The following ARHGAP23 variants were observed in gnomAD, a reference collection of about 807,000 sequenced individuals.
ARHGAP23 encodes the protein rho GTPase-activating protein 23.
ARHGAP23 carries 34 observed loss-of-function variants against 136.3 expected under a neutral mutation model. That is an observed-to-expected ratio of 0.25 (90% confidence interval 0.19 to 0.33). ARHGAP23 has a LOEUF of 0.33. Among genes scored for constraint, ARHGAP23 ranks in the 10% least tolerant of loss-of-function variants. ARHGAP23 has a pLI of 1.00. For synonymous variants in ARHGAP23, 832 were observed against 920.5 expected (o/e 0.90, Z 1.74); for missense variants, 1,808 against 2,139.0 (o/e 0.85, Z 3.05).
chr17:38,463,250 G>T (rs2048078279), intron 5 of ARHGAP23, 54 bp downstream of exon 5: 1 of 1,550,774 alleles, frequency 6.4e-7, no homozygotes, highest in African/African-American at 1.4e-5. Flanking sequence ...TTTGCCCTGG[G>T]GATGCCCTGG....
At chr17:38,468,720 G>A (rs1419908499) in intron 7 of ARHGAP23, among the ~76,000 whole-genome samples, 6 of 152,222 alleles carry the variant, frequency 3.9e-5, no homozygotes, top group Non-Finnish European at 8.8e-5. Flanking sequence ...AGCCCCAGCT[G>A]ATGGGGGAGC....
chr17:38,429,455 C>T (rs1024943110), intron 1 of ARHGAP23, among the ~76,000 whole-genome samples: 2 of 152,232 alleles, frequency 1.3e-5, no homozygotes, highest in Admixed American at 6.5e-5. Context: ...AGAAATTCCC[C>T]GGGGTCCAGG....
intron 1 of ARHGAP23, among the ~76,000 whole-genome samples, chr17:38,457,130 G>A (rs1459137982): frequency 2.6e-5 from 4 of 152,118 alleles, no homozygotes; most frequent in Admixed American, 6.5e-5. Context: ...GGCTGGTCTC[G>A]AACTCGCCTT....
intron 20 of ARHGAP23, among the ~76,000 whole-genome samples, chr17:38,492,265 A>C (rs1173472468): frequency 3.3e-5 from 5 of 152,188 alleles, no homozygotes; most frequent in Non-Finnish European, 7.3e-5. Flanking sequence ...CACGGATATC[A>C]TTATGAATCG....
intron 17 of ARHGAP23, 49 bp from the exon 18 acceptor site, chr17:38,490,053 G>A: frequency 6.5e-7 from 1 of 1,533,222 alleles, no homozygotes; most frequent in East Asian, 2.4e-5. Context: ...CGGGAGAACA[G>A]GGGAAGGCGC....
At chr17:38,426,891 G>A (rs1449305938), upstream of ARHGAP23, among the ~76,000 whole-genome samples, 1 of 152,150 alleles carries the variant, frequency 6.6e-6, no homozygotes, top group Non-Finnish European at 1.5e-5. Flanking sequence ...AAGGTTAAAG[G>A]GGTGGAGGTC....
chr17:38,486,208 T>C, intron 17 of ARHGAP23, 68 bp downstream of exon 17: 1 of 1,380,132 alleles, frequency 7.2e-7, no homozygotes, highest in African/African-American at 1.5e-5. Context: ...CCACTACTTT[T>C]GCATTTGGTT....
At position 38,477,870 on chromosome 17, in the gene ARHGAP23, C is replaced by G. The variant is rs1204247244; in HGVS notation, c.2410C>G (p.Arg804Gly). The G allele has an allele frequency of 1.9e-6, 3 of 1,548,350 alleles. No homozygotes were observed. The highest frequency in any genetic ancestry group is 1.4e-5 in the African/African-American group (1 of 72,930). ...CATGCTGGGCTGGATCAGAGCGATCCGGGAGAACAGCAGGGCCGAGGGCGA... is the reference window on the plus strand; with the variant it reads ...CATGCTGGGCTGGATCAGAGCGATCGGGGAGAACAGCAGGGCCGAGGGCGA... ...DDMLGWIRAIRENSRAEGEDP... is the reference protein window; with the variant it reads ...DDMLGWIRAIGENSRAEGEDP... The change falls in exon 12 of 24, where the codon CGG becomes GGG. Residue 804 changes from arginine (R) to glycine (G), a missense_variant. Transcript: ENST00000622683. The surrounding 1 kb of genome is among the most constrained non-coding windows in gnomAD (Gnocchi z 6.6).
intron 1 of ARHGAP23, among the ~76,000 whole-genome samples, chr17:38,441,600 G>A (rs1338560917): frequency 1.3e-5 from 2 of 152,224 alleles, no homozygotes; most frequent in Non-Finnish European, 2.9e-5. Flanking sequence ...TGAGGTGGCC[G>A]AGAGTCTGGG....
intron 19 of ARHGAP23, among the ~76,000 whole-genome samples, chr17:38,491,193 G>T (rs2040271308): frequency 6.6e-6 from 1 of 152,194 alleles, no homozygotes; most frequent in Non-Finnish European, 1.5e-5. Flanking sequence ...GTGCAGGTTG[G>T]GCACTGCTCA....
chr17:38,423,337 C>T (rs530960995), intron 1 of ARHGAP23, among the ~76,000 whole-genome samples: 1 of 152,048 alleles, frequency 6.6e-6, no homozygotes, highest in East Asian at 1.9e-4. Flanking sequence ...AGACTACAGG[C>T]ACGTGCCACC....
intron 1 of ARHGAP23, among the ~76,000 whole-genome samples, chr17:38,435,872 AT>A (rs1363373038): frequency 6.6e-6 from 1 of 152,198 alleles, no homozygotes; most frequent in Admixed American, 6.5e-5. Flanking sequence ...AAGTGTTGGG[AT>A]TACAGGCGTG....
intron 2 of ARHGAP23, 66 bp downstream of exon 2, chr17:38,458,329 C>T (rs2039380031): frequency 6.9e-7 from 1 of 1,444,714 alleles, no homozygotes; most frequent in Admixed American, 2.6e-5. Flanking sequence ...CTCTTTTGTG[C>T]CAGTCCCCTT....
intron 11 of ARHGAP23, among the ~76,000 whole-genome samples, chr17:38,474,271 G>A (rs533699512): frequency 5.3e-5 from 8 of 152,320 alleles, no homozygotes; most frequent in African/African-American, 1.9e-4. Flanking sequence ...CTGGGGTTAT[G>A]TCTGTGACAG....
intron 17 of ARHGAP23, 190 bp from the exon 18 acceptor site, chr17:38,489,912 G>T: frequency 1.6e-6 from 1 of 614,822 alleles, no homozygotes; most frequent in South Asian, 2.0e-5. Flanking sequence ...CCCGAGTGTA[G>T]CTGTGGTGAG....
In ARHGAP23 at chr17:38,458,017, G is replaced by A. The variant is rs568990535; in HGVS notation, c.64-85G>A. 3.1e-5 allele frequency: 46 copies of A among 1,483,078 alleles called. No individual in the cohort carries two copies. The East Asian group carries it at 3.7e-4, about 12-fold the overall frequency. The allele number at this position is 1,483,078 out of a possible 1,614,324, so 91.9% of individuals were successfully genotyped here. Reference sequence around the variant, plus strand: ...GAAAGACCCCTTCTGGTGCCCCTCCGGTCCTGTGGGCTGCAGGAGGTGGTG... The same window carrying A: ...GAAAGACCCCTTCTGGTGCCCCTCCAGTCCTGTGGGCTGCAGGAGGTGGTG... On this transcript the variant is annotated intron_variant, in intron 1 of 23. Coordinates refer to ENST00000622683, the MANE Select transcript of ARHGAP23 (RefSeq NM_001199417.2).
intron 23 of ARHGAP23, among the ~76,000 whole-genome samples, chr17:38,505,825 G>A (rs1158494529): frequency 2.0e-5 from 3 of 152,220 alleles, no homozygotes; most frequent in Admixed American, 1.3e-4. Context: ...CTACTCAGGC[G>A]GCTGAGGCAG....
At chr17:38,424,103 G>C (rs1352685583), upstream of ARHGAP23, among the ~76,000 whole-genome samples, 1 of 152,120 alleles carries the variant, frequency 6.6e-6, no homozygotes, top group Non-Finnish European at 1.5e-5. Flanking sequence ...GGCGCAGGGA[G>C]GGTGCAGCAC....
chr17:38,464,182 A>G (rs1291267494), intron 6 of ARHGAP23, among the ~76,000 whole-genome samples: 1 of 152,042 alleles, frequency 6.6e-6, no homozygotes, highest in Non-Finnish European at 1.5e-5. Flanking sequence ...CTCCAAATTT[A>G]TACATTCGAC....
Sources: allele counts gnomAD v4.1 joint callset (sites outside exome capture counted in the v4.1 genomes callset), GRCh38; gene constraint gnomAD v4.1.1; non-coding constraint Gnocchi (gnomAD v3.1); transcripts MANE v1.5; gene names NCBI Gene and HGNC (gene_info 2026-07-23, HGNC 2026-07-21).